TCF4: variants seen among roughly 807,000 people sequenced by gnomAD.
The protein encoded by TCF4 is SL3-3 enhancer factor 2.
Under a neutral mutation model 82.1 loss-of-function variants are expected in TCF4, and 3 were observed. The observed-to-expected ratio is 0.04, with a 90% confidence interval of 0.02 to 0.09. TCF4 has a LOEUF of 0.09. Ranked by LOEUF, TCF4 falls within the 10% of genes least tolerant of loss-of-function variation. The pLI is 1.00. For missense variants in TCF4, 518 were observed against 852.7 expected (o/e 0.61, Z 4.89); for synonymous variants, 276 against 309.6 (o/e 0.89, Z 1.14).
intron 5 of TCF4, among the ~76,000 whole-genome samples, chr18:55,459,721 GC>G (rs1351191567): frequency 1.3e-5 from 2 of 152,098 alleles, no homozygotes; most frequent in Non-Finnish European, 2.9e-5. Flanking sequence ...AAGAAACAAT[GC>G]ACCTTTCTAT....
At chr18:55,539,595 A>C (rs181903059) in intron 3 of TCF4, among the ~76,000 whole-genome samples, 19 of 152,330 alleles carry the variant, frequency 1.2e-4, no homozygotes, top group Non-Finnish European at 4.4e-5. Flanking sequence ...CTCACAATCA[A>C]AAATTAGAAA....
chr18:55,496,654 T>A (rs1568228443), intron 3 of TCF4, among the ~76,000 whole-genome samples: 2 of 152,150 alleles, frequency 1.3e-5, no homozygotes, highest in Non-Finnish European at 2.9e-5. Context: ...CATTTCCTAC[T>A]GCTGCATGAT....
chr18:55,237,846 C>T (rs2050003453), intron 15 of TCF4, among the ~76,000 whole-genome samples: 1 of 152,192 alleles, frequency 6.6e-6, no homozygotes, highest in South Asian at 2.1e-4. Context: ...ACCCTGTTTT[C>T]TTCTCTTTCA....
At chr18:55,598,909 G>A (rs532541703) in intron 2 of TCF4, among the ~76,000 whole-genome samples, 2 of 152,178 alleles carry the variant, frequency 1.3e-5, no homozygotes, top group Non-Finnish European at 2.9e-5. Context: ...AGTAAAAATG[G>A]AAGCAATCAC....
At chr18:55,355,772 C>A (rs1345392808) in intron 6 of TCF4, among the ~76,000 whole-genome samples, 1 of 152,150 alleles carries the variant, frequency 6.6e-6, no homozygotes, top group Non-Finnish European at 1.5e-5. Context: ...TAAAAAACTG[C>A]TGTGCTGCAG....
chr18:55,497,162 TTA>T (rs1292758362), intron 3 of TCF4, among the ~76,000 whole-genome samples: 2 of 152,180 alleles, frequency 1.3e-5, no homozygotes, highest in African/African-American at 4.8e-5. Flanking sequence ...CACATATAGG[TTA>T]AAGAACAAGT....
intron 5 of TCF4, among the ~76,000 whole-genome samples, chr18:55,453,541 G>A (rs1299612443): frequency 6.6e-6 from 1 of 152,096 alleles, no homozygotes; most frequent in Non-Finnish European, 1.5e-5. Context: ...CATCTCTGTT[G>A]GCCATAGTTT....
intron 6 of TCF4, among the ~76,000 whole-genome samples, chr18:55,395,003 T>C (rs964456647): frequency 6.6e-6 from 1 of 152,256 alleles, no homozygotes; most frequent in African/African-American, 2.4e-5. Flanking sequence ...TACAGGCTTC[T>C]GTTGCTATCT....
At position 55,277,393 on chromosome 18, in the gene TCF4, A is replaced by G. The variant is rs543319913; in HGVS notation, c.656-1641T>C. ...TAAACAAGAGTCTCCTGACAATGTG[A>G]TACCCTGGGTGGCAATGCGTTTAGG... is the stretch of plus-strand genomic sequence containing the variant. On this transcript the variant is annotated intron_variant, in intron 9 of 19. Coordinates refer to ENST00000354452, the MANE Select transcript of TCF4 (RefSeq NM_001083962.2). Among the ~76,000 whole-genome samples the G allele has an allele frequency of 4.3e-4, 66 of 152,306 alleles. 2 individuals are homozygous for G. The South Asian group carries it at 0.013, about 30-fold the overall frequency.
chr18:55,555,941 C>A (rs1197022798), intron 3 of TCF4, among the ~76,000 whole-genome samples: 1 of 152,142 alleles, frequency 6.6e-6, no homozygotes, highest in African/African-American at 2.4e-5. Context: ...GAGACTGGGT[C>A]TTGTGACAAG....
intron 3 of TCF4, among the ~76,000 whole-genome samples, chr18:55,476,317 AC>A (rs2096287027): frequency 1.3e-5 from 2 of 152,186 alleles, no homozygotes; most frequent in South Asian, 4.1e-4. Flanking sequence ...GTGAAGGGTG[AC>A]CCCAAAAAAG....
chr18:55,277,132 C>T (rs2061615665), intron 9 of TCF4, among the ~76,000 whole-genome samples: 1 of 152,136 alleles, frequency 6.6e-6, no homozygotes, highest in South Asian at 2.1e-4. Flanking sequence ...TCTCAGGGCA[C>T]CAAGTACCCC....
intron 14 of TCF4, 123 bp downstream of exon 14, chr18:55,257,192 G>A (rs2057057544): frequency 9.9e-7 from 1 of 1,007,392 alleles, no homozygotes; most frequent in East Asian, 2.5e-5. Context: ...GCAAACCTGT[G>A]TGCTTAATGC....
intron 3 of TCF4, among the ~76,000 whole-genome samples, chr18:55,465,669 C>A (rs986512650): frequency 8.5e-5 from 13 of 152,164 alleles, no homozygotes; most frequent in African/African-American, 3.1e-4. Context: ...CACAAAGAAG[C>A]TACTTACAAC....
intron 3 of TCF4, among the ~76,000 whole-genome samples, chr18:55,477,039 T>C (rs1306625099): frequency 6.6e-6 from 1 of 152,200 alleles, no homozygotes; most frequent in Non-Finnish European, 1.5e-5. Flanking sequence ...ACAGTTCCCA[T>C]ATGTTACAAC....
chr18:55,588,840 GA>G (rs879803383), upstream of TCF4, among the ~76,000 whole-genome samples: 231 of 141,522 alleles, frequency 1.6e-3, 1 homozygote, highest in Middle Eastern at 7.4e-3. Context: ...TGCAAACTTC[GA>G]AAAAAAAAAA....
chr18:55,592,472 A>G (rs112694580), upstream of TCF4, among the ~76,000 whole-genome samples: 12 of 152,136 alleles, frequency 7.9e-5, no homozygotes, highest in African/African-American at 2.7e-4. Flanking sequence ...CACTAATGCC[A>G]TCATGGAGGC....
intron 8 of TCF4, among the ~76,000 whole-genome samples, chr18:55,304,325 A>G (rs2069433536): frequency 1.3e-5 from 2 of 152,228 alleles, no homozygotes; most frequent in Admixed American, 1.3e-4. Context: ...ATGTGAGAGT[A>G]AGACAAATAA....
At chr18:55,612,680 G>T (rs1045099440) in intron 2 of TCF4, among the ~76,000 whole-genome samples, 1 of 152,082 alleles carries the variant, frequency 6.6e-6, no homozygotes, top group Non-Finnish European at 1.5e-5. Context: ...TATATAGTTA[G>T]CCAGGCCCGG....
Sources: allele counts gnomAD v4.1 joint callset (sites outside exome capture counted in the v4.1 genomes callset), GRCh38; gene constraint gnomAD v4.1.1; transcripts MANE v1.5; gene names NCBI Gene and HGNC (gene_info 2026-07-23, HGNC 2026-07-21).